Variants in UBXN2A observed in about 807,000 individuals in gnomAD.
UBXN2A encodes the protein UBX domain-containing protein 2A.
UBXN2A carries 28 observed loss-of-function variants against 28.4 expected under a neutral mutation model. That is an observed-to-expected ratio of 0.99 (90% CI 0.73 to 1.35). The LOEUF (loss-of-function observed/expected upper bound fraction) is 1.35. Among genes scored for constraint, UBXN2A ranks in the 40% most tolerant of loss-of-function variants. The pLI is 0.00. For synonymous variants in UBXN2A, 97 were observed against 103.6 expected (o/e 0.94, Z 0.39); for missense variants, 253 against 297.9 (o/e 0.85, Z 1.11).
upstream of UBXN2A, among the ~76,000 whole-genome samples, chr2:23,939,269 A>G (rs576927870): frequency 6.6e-5 from 10 of 152,290 alleles, no homozygotes; most frequent in Admixed American, 2.0e-4. Flanking sequence ...GGATATACGT[A>G]AGGAGAGAGT....
At chr2:23,984,144 G>T (rs1464868921) in intron 5 of UBXN2A, among the ~76,000 whole-genome samples, 1 of 152,140 alleles carries the variant, frequency 6.6e-6, no homozygotes, top group Non-Finnish European at 1.5e-5. Context: ...AGATTATATA[G>T]ATATGAGAGC....
At chr2:23,960,871 G>C (rs1706872374) in intron 2 of UBXN2A, among the ~76,000 whole-genome samples, 1 of 152,146 alleles carries the variant, frequency 6.6e-6, no homozygotes, top group Non-Finnish European at 1.5e-5. Flanking sequence ...CTAACCTCAG[G>C]TGATCTGCCC....
rs559086596 is a variant in UBXN2A, at chr2:23,961,316, G to A, written c.41+2961G>A. Among the ~76,000 whole-genome samples, 30 of 148,058 alleles carry A rather than the reference G, an allele frequency of 2.0e-4. 1 individual carries two copies. The South Asian group carries it at 3.7e-3, about 18-fold the overall frequency. On this transcript the variant is annotated intron_variant, in intron 2 of 6. Coordinates refer to ENST00000309033, the MANE Select transcript of UBXN2A (RefSeq NM_181713.4). ...TCACCATGTTGTCCAGGCTGATCTC[G>A]AACTCCTGACCTCAGGTGATCCGCC...
At chr2:23,944,729 G>A (rs1260016696) in intron 1 of UBXN2A, among the ~76,000 whole-genome samples, 1 of 152,274 alleles carries the variant, frequency 6.6e-6, no homozygotes, top group South Asian at 2.1e-4. Context: ...TGGGGACTGG[G>A]GGTGAGGCTT....
intron 4 of UBXN2A, among the ~76,000 whole-genome samples, chr2:23,982,015 G>C (rs143151172): frequency 6.6e-6 from 1 of 151,990 alleles, no homozygotes; most frequent in Non-Finnish European, 1.5e-5. Flanking sequence ...ACTGACGATA[G>C]CTGATAAGCT....
intron 1 of UBXN2A, among the ~76,000 whole-genome samples, chr2:23,948,171 C>A (rs146255197): frequency 1.3e-5 from 2 of 149,932 alleles, no homozygotes; most frequent in African/African-American, 2.5e-5. Context: ...AAGTTTAATT[C>A]GTGAAATCAA....
intron 1 of UBXN2A, among the ~76,000 whole-genome samples, chr2:23,955,624 T>A (rs1706584314): frequency 6.6e-6 from 1 of 152,230 alleles, no homozygotes; most frequent in African/African-American, 2.4e-5. Flanking sequence ...ACACACAGGC[T>A]GTATGGTGTA....
At chr2:23,950,430 T>G (rs1388739713) in intron 1 of UBXN2A, among the ~76,000 whole-genome samples, 1 of 152,076 alleles carries the variant, frequency 6.6e-6, no homozygotes, top group Non-Finnish European at 1.5e-5. Context: ...TTGAGACGGA[T>G]TCTCGCTCTG....
At chr2:23,954,380 A>G (rs1478652677) in intron 1 of UBXN2A, among the ~76,000 whole-genome samples, 2 of 152,146 alleles carry the variant, frequency 1.3e-5, no homozygotes, top group African/African-American at 2.4e-5. Flanking sequence ...ATAATATTCC[A>G]TTGCTTATAT....
intron 6 of UBXN2A, among the ~76,000 whole-genome samples, chr2:23,987,495 A>G (rs1708176875): frequency 1.3e-5 from 2 of 152,112 alleles, no homozygotes; most frequent in Admixed American, 6.6e-5. Context: ...TTACAGAAAA[A>G]GGACCTGGCA....
At position 24,000,131 on chromosome 2, in the gene UBXN2A, T is replaced by A; in HGVS notation, c.*264T>A. 2.4e-6 allele frequency: 1 copy of A among 409,336 alleles called. No homozygotes were observed. Among genetic ancestry groups the A allele is most frequent in the Non-Finnish European group, 4.3e-6 (1 of 230,116 alleles). The allele number at this position is 409,336 out of a possible 1,614,324, so 25.4% of individuals were successfully genotyped here. A position where few individuals can be genotyped will look rare whatever the true frequency, so the allele number is the denominator to read the frequency against. ...ATACCAGTTATCAAGATATATTAAA[T>A]AGCTGTATTGTTTAGAATCTTAATA... On this transcript the variant is annotated 3_prime_UTR_variant, in exon 7 of 7. Transcript: ENST00000309033.
chr2:23,950,007 C>T (rs1416439458), intron 1 of UBXN2A, among the ~76,000 whole-genome samples: 52 of 126,040 alleles, frequency 4.1e-4, no homozygotes, highest in African/African-American at 1.4e-3. Context: ...ATCCCCCCAC[C>T]CCCACCCCCA....
chr2:23,962,312 G>A (rs1706963061), intron 2 of UBXN2A, among the ~76,000 whole-genome samples: 1 of 152,144 alleles, frequency 6.6e-6, no homozygotes, highest in African/African-American at 2.4e-5. Context: ...CAATGAGAAA[G>A]CAAACAAAAG....
intron 2 of UBXN2A, among the ~76,000 whole-genome samples, chr2:23,959,071 G>A (rs1706777972): frequency 6.6e-6 from 1 of 152,124 alleles, no homozygotes. Context: ...GGCTTCAAGT[G>A]ATCCTCCTGC....
At chr2:23,968,825 A>G (rs1469893458) in intron 2 of UBXN2A, 2 of 152,540 alleles carry the variant, frequency 1.3e-5, no homozygotes, top group Non-Finnish European at 2.9e-5. Flanking sequence ...CATGATTTCA[A>G]AAGAGAACAA....
At chr2:23,928,181 A>C (rs1307209502) in intron 1 of UBXN2A, among the ~76,000 whole-genome samples, 1 of 151,784 alleles carries the variant, frequency 6.6e-6, no homozygotes, top group Non-Finnish European at 1.5e-5. Context: ...GTCTCAGAAA[A>C]AAAAAAAAGA....
intron 2 of UBXN2A, among the ~76,000 whole-genome samples, chr2:23,962,583 GT>G (rs962489818): frequency 1.4e-5 from 2 of 147,752 alleles, no homozygotes; most frequent in Middle Eastern, 3.5e-3. Context: ...AAAGTAAGAG[GT>G]TTTTTTTTCC....
chr2:23,976,311 A>G (rs1463731507), intron 3 of UBXN2A, among the ~76,000 whole-genome samples: 1 of 152,100 alleles, frequency 6.6e-6, no homozygotes, highest in East Asian at 1.9e-4. Context: ...GGGGAGCTCT[A>G]CTGCTCTTGC....
At chr2:23,939,099 C>CAA (rs1455026139), upstream of UBXN2A, among the ~76,000 whole-genome samples, 2 of 151,964 alleles carry the variant, frequency 1.3e-5, no homozygotes, top group Non-Finnish European at 2.9e-5. Flanking sequence ...TAAAGACTTA[C>CAA]AAATAAATCC....
Sources: gnomAD v4.1 joint callset for allele counts (sites outside exome capture counted in the v4.1 genomes callset) on GRCh38, gnomAD v4.1.1 for gene constraint, MANE v1.5 for transcripts, NCBI Gene and HGNC (gene_info 2026-07-23, HGNC 2026-07-21) for gene names.